Variants in MEOX2 observed in about 807,000 individuals in gnomAD.
MEOX2 encodes mesenchyme homeobox 2, also known as homeobox protein MOX-2.
MEOX2 carries 11 observed loss-of-function variants against 27.0 expected under a neutral mutation model. That is an observed-to-expected ratio of 0.41 (90% CI 0.26 to 0.68). The LOEUF is 0.68. Ranked by LOEUF, MEOX2 falls within the 30% of genes least tolerant of loss-of-function variation. The pLI is 0.33. For synonymous variants in MEOX2, 189 were observed against 155.4 expected, an observed-to-expected ratio of 1.22 and a Z score of -1.61; for missense variants, 436 against 385.4, an observed-to-expected ratio of 1.13 and a Z score of -1.10.
rs569015568 is a variant in MEOX2 at position 15,643,935 on chromosome 7, GCCA to G, written c.518-17020_518-17018del. 2.6e-5 allele frequency among the ~76,000 whole-genome samples: 4 copies of G among 152,274 alleles called. No individual in the cohort carries two copies. The East Asian group carries it at 7.8e-4, about 30-fold the overall frequency. ...GATGGGGTTGGTGAGCTGCTCCCAG[GCCA>G]CCAACAAAACAAGACAATGCTGTGG... On this transcript the variant is annotated intron_variant, in intron 1 of 2. Transcript: ENST00000262041.
chr7:15,616,230 A>C (rs537504751), intron 2 of MEOX2, among the ~76,000 whole-genome samples: 2 of 151,800 alleles, frequency 1.3e-5, no homozygotes, highest in Non-Finnish European at 3.0e-5. Context: ...TTTGATACTG[A>C]AATTCTGTGA....
intron 1 of MEOX2, among the ~76,000 whole-genome samples, chr7:15,670,443 T>A (rs1782077326): frequency 6.6e-6 from 1 of 152,164 alleles, no homozygotes; most frequent in African/African-American, 2.4e-5. Context: ...AGGGATCCCA[T>A]CCTTGATGCC....
At chr7:15,613,283 T>A (rs1431633138) in intron 2 of MEOX2, among the ~76,000 whole-genome samples, 1 of 152,052 alleles carries the variant, frequency 6.6e-6, no homozygotes, top group Non-Finnish European at 1.5e-5. Flanking sequence ...GATTATATAC[T>A]ACATCATTCA....
At chr7:15,619,560 C>T (rs1781183460) in intron 2 of MEOX2, among the ~76,000 whole-genome samples, 1 of 151,824 alleles carries the variant, frequency 6.6e-6, no homozygotes, top group African/African-American at 2.4e-5. Context: ...TCAGTAAAAT[C>T]TCTAAAATAA....
At chr7:15,661,012 C>CAAAAAAAAAAAAAA (rs71004402) in intron 1 of MEOX2, among the ~76,000 whole-genome samples, 1 of 44,342 alleles carries the variant, frequency 2.3e-5, no homozygotes, top group African/African-American at 8.3e-5. Context: ...GACTCAGTCT[C>CAAAAAAAAAAAAAA]AAAAAAAAAA....
At chr7:15,628,536 C>T (rs896210590) in intron 1 of MEOX2, among the ~76,000 whole-genome samples, 1 of 152,126 alleles carries the variant, frequency 6.6e-6, no homozygotes, top group African/African-American at 2.4e-5. Flanking sequence ...TATCAGCTAG[C>T]TTCTCACCTT....
At chr7:15,644,700 A>AT (rs1197783598) in intron 1 of MEOX2, among the ~76,000 whole-genome samples, 3 of 151,948 alleles carry the variant, frequency 2.0e-5, no homozygotes, top group African/African-American at 7.3e-5. Context: ...GAAAATCCAG[A>AT]TTTTTTCTAT....
At chr7:15,656,047 A>G (rs1426679058) in intron 1 of MEOX2, among the ~76,000 whole-genome samples, 1 of 151,816 alleles carries the variant, frequency 6.6e-6, no homozygotes, top group Non-Finnish European at 1.5e-5. Flanking sequence ...GTGAATATAC[A>G]TTTAGGATAC....
chr7:15,646,636 C>T (rs924570759), intron 1 of MEOX2, among the ~76,000 whole-genome samples: 2 of 151,964 alleles, frequency 1.3e-5, no homozygotes, highest in East Asian at 3.8e-4. Context: ...AAAGAAAGTA[C>T]TTCAAGGAAC....
chr7:15,663,130 A>G (rs2115385094), intron 1 of MEOX2, among the ~76,000 whole-genome samples: 1 of 152,314 alleles, frequency 6.6e-6, no homozygotes, highest in South Asian at 2.1e-4. Flanking sequence ...GACTGAGGCC[A>G]CACAGAACAC....
intron 1 of MEOX2, 120 bp downstream of exon 1, chr7:15,685,766 G>C: frequency 7.2e-7 from 1 of 1,379,606 alleles, no homozygotes. Flanking sequence ...GGAAGCCACA[G>C]AGGGCAACAC....
chr7:15,619,119 T>C (rs961778869), intron 2 of MEOX2, among the ~76,000 whole-genome samples: 3 of 152,036 alleles, frequency 2.0e-5, no homozygotes, highest in Non-Finnish European at 2.9e-5. Flanking sequence ...ACAGAACATA[T>C]GTATGTACTC....
chr7:15,650,706 T>TA (rs1562605698), intron 1 of MEOX2, among the ~76,000 whole-genome samples: 2 of 151,922 alleles, frequency 1.3e-5, no homozygotes, highest in African/African-American at 4.8e-5. Flanking sequence ...TGAGTTTTTT[T>TA]GGGGGGGAGA....
At chr7:15,639,924 T>G (rs1781534312) in intron 1 of MEOX2, among the ~76,000 whole-genome samples, 1 of 151,968 alleles carries the variant, frequency 6.6e-6, no homozygotes, top group Non-Finnish European at 1.5e-5. Context: ...CTTTTGTTTT[T>G]TGTTTGTTTG....
At chr7:15,623,552 T>G (rs761668892) in intron 2 of MEOX2, among the ~76,000 whole-genome samples, 1 of 152,142 alleles carries the variant, frequency 6.6e-6, no homozygotes, top group Non-Finnish European at 1.5e-5. Context: ...GTATTTGTAG[T>G]AGAGACGGGG....
Position 15,656,097 on chromosome 7 carries a change from A to C in MEOX2, c.518-29179T>G, listed in dbSNP as rs373181021. On this transcript the variant is annotated intron_variant, in intron 1 of 2. Coordinates refer to ENST00000262041, the MANE Select transcript of MEOX2 (RefSeq NM_005924.5). Reference sequence around the variant, plus strand: ...TGAATTGACTTTTATCATTTTTAATATCTCTCTCTGTCTCTGGTAATTTTT... The same window carrying C: ...TGAATTGACTTTTATCATTTTTAATCTCTCTCTCTGTCTCTGGTAATTTTT... 2.2e-4 allele frequency among the ~76,000 whole-genome samples: 33 copies of C among 151,906 alleles called. 1 individual carries two copies. The East Asian group carries it at 4.8e-3, about 22-fold the overall frequency.
In MEOX2 at chr7:15,612,335, C is replaced by A. The variant is rs935629135; in HGVS notation, c.*52G>T. The A allele has an allele frequency of 1.2e-5, 17 of 1,421,816 alleles. No individual in the cohort carries two copies. In the Admixed American group the frequency reaches 1.3e-4, roughly 11 times the overall value. 88.1% of individuals were successfully genotyped at this position (1,421,816 alleles called of 1,614,324 possible). Reference sequence around the variant, plus strand: ...CTGTGTAAACGATATTTGGGTAAGGCTTGCCATCACAACATTTCTTTCCTG... The same window carrying A: ...CTGTGTAAACGATATTTGGGTAAGGATTGCCATCACAACATTTCTTTCCTG... On this transcript the variant is annotated 3_prime_UTR_variant, in exon 3 of 3. Coordinates refer to ENST00000262041, the MANE Select transcript of MEOX2 (RefSeq NM_005924.5).
chr7:15,661,997 T>C (rs1781926576), intron 1 of MEOX2, among the ~76,000 whole-genome samples: 1 of 151,996 alleles, frequency 6.6e-6, no homozygotes, highest in Admixed American at 6.6e-5. Context: ...TTTGCAAAGT[T>C]AACAATTTCA....
rs1262907313 is a variant in MEOX2 at position 15,651,479 on chromosome 7, G to T, written c.518-24561C>A. On this transcript the variant is annotated intron_variant, in intron 1 of 2. Coordinates refer to ENST00000262041, the MANE Select transcript of MEOX2 (RefSeq NM_005924.5). ...TAGAATATAATGTAATTTCTACAGG[G>T]TTCTTGATATTGACATAATAATATC... Among the ~76,000 whole-genome samples, 7 of 151,888 alleles carry T rather than the reference G, an allele frequency of 4.6e-5. No homozygotes were observed. In the South Asian group the frequency reaches 6.2e-4, roughly 14 times the overall value.
Sources: allele counts gnomAD v4.1 joint callset (sites outside exome capture counted in the v4.1 genomes callset), GRCh38; gene constraint gnomAD v4.1.1; transcripts MANE v1.5; gene names NCBI Gene and HGNC (gene_info 2026-07-23, HGNC 2026-07-21).